The following ZNF566 variants were observed in gnomAD, a reference collection of about 807,000 sequenced individuals.
ZNF566 encodes the protein zinc finger protein 566.
In ZNF566, 27 loss-of-function variants were observed where a neutral mutation model predicts 32.8. The observed-to-expected ratio is 0.82, with a 90% CI of 0.61 to 1.14. The LOEUF (loss-of-function observed/expected upper bound fraction) is 1.14. ZNF566 is among the 50% of genes most tolerant of loss of function. The pLI is 0.00. For synonymous variants in ZNF566, 154 were observed against 159.5 expected, an observed-to-expected ratio of 0.97 and a Z score of 0.26; for missense variants, 402 against 490.4, an observed-to-expected ratio of 0.82 and a Z score of 1.70.
intron 1 of ZNF566, among the ~76,000 whole-genome samples, chr19:36,486,588 T>A (rs956160049): frequency 4.7e-5 from 7 of 149,934 alleles, no homozygotes; most frequent in Admixed American, 6.7e-5. Context: ...GGAGGATTGC[T>A]TGAACCTGGG....
chr19:36,487,510 A>G (rs2034196682), intron 1 of ZNF566, among the ~76,000 whole-genome samples: 1 of 152,248 alleles, frequency 6.6e-6, no homozygotes, highest in Non-Finnish European at 1.5e-5. Context: ...AAGTACAATT[A>G]CACTGAACAA....
At chr19:36,466,453 G>A (rs1312070104) in intron 4 of ZNF566, among the ~76,000 whole-genome samples, 4 of 152,274 alleles carry the variant, frequency 2.6e-5, no homozygotes, top group South Asian at 2.1e-4. Flanking sequence ...CCAACTATAC[G>A]TATTTTACAT....
At chr19:36,480,173 A>G (rs529815008) in intron 1 of ZNF566, among the ~76,000 whole-genome samples, 1 of 152,344 alleles carries the variant, frequency 6.6e-6, no homozygotes, top group Non-Finnish European at 1.5e-5. Flanking sequence ...TCAAGACAGC[A>G]GTACAGACAA....
rs187019062 is a variant in ZNF566 at position 36,448,819 on chromosome 19, G to T, written c.*158C>A. On this transcript the variant is annotated 3_prime_UTR_variant, in exon 5 of 5. Transcript: ENST00000452939. Reference sequence around the variant, plus strand: ...GCTTCCAAAGTATATTCTATTCATAGAGTATTTCTCCAACATTATTTTTCC... The same window carrying T: ...GCTTCCAAAGTATATTCTATTCATATAGTATTTCTCCAACATTATTTTTCC... The T allele has an allele frequency of 5.4e-5, 34 of 627,164 alleles. No individual in the cohort carries two copies. Among genetic ancestry groups the T allele is most frequent in the Non-Finnish European group, 8.3e-5 (32 of 384,876 alleles). 38.8% of individuals were successfully genotyped at this position (627,164 alleles called of 1,614,324 possible). A position where few individuals can be genotyped will look rare whatever the true frequency, so the allele number is the denominator to read the frequency against.
At chr19:36,488,516 G>C (rs2034229800) in intron 1 of ZNF566, among the ~76,000 whole-genome samples, 1 of 152,148 alleles carries the variant, frequency 6.6e-6, no homozygotes, top group Non-Finnish European at 1.5e-5. Flanking sequence ...TTTTGACACT[G>C]TTTAGTAAAG....
rs34170364 is a variant in ZNF566 at position 36,467,434 on chromosome 19, CAA to C, written c.232+5475_232+5476del. ...TGGGCAACAATGTGAGGCTCTGTCT[CAA>C]AAAAAAAAAAAAAAAAAGAATTTCA... On this transcript the variant is annotated intron_variant, in intron 4 of 4. Transcript: ENST00000452939. Among the ~76,000 whole-genome samples the C allele has an allele frequency of 1.8e-3, 137 of 77,502 alleles. 1 individual carries two copies. Among genetic ancestry groups the C allele is most frequent in the African/African-American group, 4.0e-3 (78 of 19,482 alleles). The allele number at this position is 77,502 out of a possible 152,430, so 50.8% of individuals were successfully genotyped here.
intron 1 of ZNF566, among the ~76,000 whole-genome samples, chr19:36,477,394 A>G (rs1156483641): frequency 2.0e-5 from 3 of 152,162 alleles, no homozygotes; most frequent in African/African-American, 7.2e-5. Context: ...ATGCTGTAAT[A>G]AATATCCTTG....
chr19:36,461,650 G>A (rs1050710253), intron 4 of ZNF566, among the ~76,000 whole-genome samples: 6 of 151,936 alleles, frequency 3.9e-5, no homozygotes, highest in Admixed American at 1.3e-4. Context: ...CAGCCTGGGC[G>A]ACAGAGCGAG....
intron 4 of ZNF566, among the ~76,000 whole-genome samples, chr19:36,461,485 G>A (rs543850201): frequency 3.3e-5 from 5 of 152,102 alleles, no homozygotes; most frequent in Admixed American, 6.6e-5. Context: ...TGGCCAACAC[G>A]GTAAAACCTC....
chr19:36,477,602 G>A (rs933831203), intron 1 of ZNF566, among the ~76,000 whole-genome samples: 1 of 141,552 alleles, frequency 7.1e-6, no homozygotes, highest in Non-Finnish European at 1.5e-5. Context: ...GCAATGGCGC[G>A]ATCTTGGCTC....
intron 4 of ZNF566, among the ~76,000 whole-genome samples, chr19:36,454,617 C>G (rs1222216549): frequency 6.6e-6 from 1 of 152,042 alleles, no homozygotes; most frequent in Non-Finnish European, 1.5e-5. Flanking sequence ...TATATGCCAA[C>G]AAATTGGATA....
At chr19:36,472,230 T>C (rs1055669582) in intron 4 of ZNF566, among the ~76,000 whole-genome samples, 2 of 152,112 alleles carry the variant, frequency 1.3e-5, no homozygotes, top group African/African-American at 2.4e-5. Context: ...CAACCCTCTA[T>C]ATAAAGTCAA....
rs146787386 is a variant in ZNF566, at chr19:36,469,266, C to T, written c.232+3645G>A. Among the ~76,000 whole-genome samples the T allele has an allele frequency of 6.0e-3, 915 of 151,972 alleles. 7 individuals are homozygous for T. Among genetic ancestry groups the T allele is most frequent in the Middle Eastern group, 0.058 (17 of 294 alleles). ...ACTTGAAATTATTTGTGGTGGGACG[C>T]GGTGGCTTACGCCTGCAATCCCAGA... On this transcript the variant is annotated intron_variant, in intron 4 of 4. Coordinates refer to ENST00000452939, the MANE Select transcript of ZNF566 (RefSeq NM_001145344.1).
intron 4 of ZNF566, among the ~76,000 whole-genome samples, chr19:36,472,418 T>C (rs1157993912): frequency 6.6e-6 from 1 of 152,234 alleles, no homozygotes; most frequent in East Asian, 1.9e-4. Context: ...CTTATTCCTT[T>C]TTTAAACTCT....
intron 4 of ZNF566, among the ~76,000 whole-genome samples, chr19:36,463,606 C>T (rs929214145): frequency 6.8e-6 from 1 of 147,040 alleles, no homozygotes; most frequent in Non-Finnish European, 1.5e-5. Flanking sequence ...ACAGTAGTAC[C>T]ATCTTGGCTC....
At chr19:36,477,555 T>TTTTTTTTTG (rs2033925754) in intron 1 of ZNF566, among the ~76,000 whole-genome samples, 1 of 136,714 alleles carries the variant, frequency 7.3e-6, no homozygotes, top group Non-Finnish European at 1.6e-5. Flanking sequence ...GTTTGTTTTT[T>TTTTTTTTTG]TGAGACGGAG....
At chr19:36,489,060 A>C (rs189859388) in intron 1 of ZNF566, among the ~76,000 whole-genome samples, 1 of 152,298 alleles carries the variant, frequency 6.6e-6, no homozygotes, top group East Asian at 1.9e-4. Context: ...ACCGGGTCAC[A>C]GTCACGATCA....
chr19:36,446,468 C>T lies in ZNF566; in HGVS notation c.*2509G>A, dbSNP rs1429141453. ...TGTATTTTTAGTAGAGATGGGGTTT[C>T]ACTATATTGGCCAGGCTGCCCCCTG... On this transcript the variant is annotated 3_prime_UTR_variant, in exon 5 of 5. Transcript: ENST00000452939. 1 of 152,240 alleles carries T rather than the reference C, an allele frequency of 6.6e-6. No individual in the cohort carries two copies. The highest frequency in any genetic ancestry group is 6.5e-5 in the Admixed American group (1 of 15,272). The allele number at this position is 152,240 out of a possible 1,614,324, so 9.4% of individuals were successfully genotyped here.
chr19:36,466,083 GA>G (rs1037069356), intron 4 of ZNF566, among the ~76,000 whole-genome samples: 2 of 151,838 alleles, frequency 1.3e-5, no homozygotes, highest in Admixed American at 6.6e-5. Context: ...TCCTCAGATT[GA>G]AAAATACTAC....
Sources: gnomAD v4.1 joint callset for allele counts (sites outside exome capture counted in the v4.1 genomes callset) on GRCh38, gnomAD v4.1.1 for gene constraint, MANE v1.5 for transcripts, NCBI Gene and HGNC (gene_info 2026-07-23, HGNC 2026-07-21) for gene names.